NCKAP5: variants seen among roughly 807,000 people sequenced by gnomAD.
NCKAP5 encodes nck-associated protein 5.
A neutral mutation model predicts 167.0 loss-of-function variants in NCKAP5; 92 were observed. The ratio of observed to expected loss-of-function variants is 0.55; its 90% CI spans 0.47 to 0.66. The LOEUF (loss-of-function observed/expected upper bound fraction) is 0.66, where lower values mean the gene tolerates loss of function less well. Ranked by LOEUF, NCKAP5 falls within the 30% of genes least tolerant of loss-of-function variation. The pLI is 0.00. For missense variants in NCKAP5, 2,378 were observed against 2,315.0 expected (o/e 1.03, Z -0.56); for synonymous variants, 891 against 877.4 (o/e 1.02, Z -0.27).
At chr2:133,023,643 T>C (rs1177939082) in intron 6 of NCKAP5, among the ~76,000 whole-genome samples, 1 of 152,186 alleles carries the variant, frequency 6.6e-6, no homozygotes, top group East Asian at 1.9e-4. Flanking sequence ...TATTCCTATC[T>C]TTGTGTCCAT....
At chr2:132,703,817 C>T in intron 19 of NCKAP5, among the ~76,000 whole-genome samples, 1 of 152,172 alleles carries the variant, frequency 6.6e-6, no homozygotes, top group East Asian at 1.9e-4. Context: ...AAGATCCTTT[C>T]TAGTTATTTT....
intron 19 of NCKAP5, among the ~76,000 whole-genome samples, chr2:132,724,964 T>C (rs1252245521): frequency 6.6e-6 from 1 of 152,216 alleles, no homozygotes; most frequent in Non-Finnish European, 1.5e-5. Flanking sequence ...AAAAGTTGAT[T>C]AGTAGGAAAA....
intron 5 of NCKAP5, among the ~76,000 whole-genome samples, chr2:133,136,235 T>C (rs1244279124): frequency 6.6e-6 from 1 of 152,208 alleles, no homozygotes; most frequent in Non-Finnish European, 1.5e-5. Flanking sequence ...AACACTTGAT[T>C]CAAATATGGA....
At chr2:132,858,902 T>G (rs559306698) in intron 11 of NCKAP5, among the ~76,000 whole-genome samples, 6 of 152,170 alleles carry the variant, frequency 3.9e-5, no homozygotes, top group Admixed American at 1.3e-4. Flanking sequence ...ACAGGGACTG[T>G]AGAGTCTTAA....
intron 5 of NCKAP5, among the ~76,000 whole-genome samples, chr2:133,171,359 T>G (rs746691409): frequency 3.9e-5 from 6 of 152,190 alleles, no homozygotes; most frequent in Non-Finnish European, 7.3e-5. Context: ...ATGTTTTTTT[T>G]GTTTGTTGTT....
intron 19 of NCKAP5, among the ~76,000 whole-genome samples, chr2:132,709,799 T>C (rs1688684022): frequency 6.6e-6 from 1 of 152,050 alleles, no homozygotes; most frequent in African/African-American, 2.4e-5. Context: ...ATACAACTTA[T>C]AAAGAACTGA....
chr2:132,678,938 A>G (rs1160374285), intron 19 of NCKAP5, among the ~76,000 whole-genome samples: 1 of 152,094 alleles, frequency 6.6e-6, no homozygotes, highest in Non-Finnish European at 1.5e-5. Flanking sequence ...CCCAGTCTAT[A>G]AAGCTCTGTG....
chr2:133,601,291 G>A, the NCKAP5 span, among the ~76,000 whole-genome samples: 6 of 152,164 alleles, frequency 3.9e-5, no homozygotes, highest in South Asian at 2.1e-4. Flanking sequence ...TTTATGAAAC[G>A]TGTTTATTCA....
intron 19 of NCKAP5, among the ~76,000 whole-genome samples, chr2:132,704,993 C>T (rs1688220316): frequency 6.6e-6 from 1 of 152,164 alleles, no homozygotes; most frequent in African/African-American, 2.4e-5. Context: ...ACTGCAATGC[C>T]TTCTAACTTA....
chr2:132,950,874 C>T (rs556834245), intron 8 of NCKAP5, among the ~76,000 whole-genome samples: 31 of 151,694 alleles, frequency 2.0e-4, no homozygotes, highest in Admixed American at 1.4e-3. Flanking sequence ...GCCCCAGGAA[C>T]CTAAGAAGCA....
In NCKAP5 at chr2:132,852,702, G is replaced by A. The variant is rs955317108; in HGVS notation, c.807+7790C>T. ...AAATATAAATCCCAGTATTAGTCCT[G>A]AATTTAGTTCACAAATTGCTTTTTG... On this transcript the variant is annotated intron_variant, in intron 11 of 19. Transcript: ENST00000409261. 5.9e-5 allele frequency among the ~76,000 whole-genome samples: 9 copies of A among 152,154 alleles called. 1 individual carries two copies. Among genetic ancestry groups the A allele is most frequent in the Admixed American group, 5.9e-4 (9 of 15,276 alleles).
intron 2 of NCKAP5, among the ~76,000 whole-genome samples, chr2:133,525,923 T>C (rs1272401320): frequency 6.6e-6 from 1 of 152,102 alleles, no homozygotes; most frequent in Non-Finnish European, 1.5e-5. Context: ...TGCTCTAGTT[T>C]CCTCACTGAT....
intron 2 of NCKAP5, among the ~76,000 whole-genome samples, chr2:133,540,325 G>A (rs1686121796): frequency 6.6e-6 from 1 of 152,130 alleles, no homozygotes; most frequent in Non-Finnish European, 1.5e-5. Context: ...TAGAGAGCTA[G>A]ACTGCCAGGA....
chr2:133,025,981 C>T (rs184665793), intron 6 of NCKAP5, among the ~76,000 whole-genome samples: 1 of 152,142 alleles, frequency 6.6e-6, no homozygotes, highest in Non-Finnish European at 1.5e-5. Flanking sequence ...CTCCCTCCCC[C>T]TCTCCTCCGA....
In NCKAP5 at chr2:133,366,055, T is replaced by C. The variant is rs776137414; in HGVS notation, c.70-62945A>G. ...ACATTTAAAATGCACATTAAAAGAA[T>C]AGGGGAAAAATTGATGGTTTGTCTT... is the stretch of plus-strand genomic sequence containing the variant. On this transcript the variant is annotated intron_variant, in intron 3 of 19. Transcript: ENST00000409261. 2.6e-5 allele frequency among the ~76,000 whole-genome samples: 4 copies of C among 152,158 alleles called. No individual in the cohort carries two copies. In the East Asian group the frequency reaches 7.7e-4, roughly 29 times the overall value.
At chr2:132,891,728 C>A (rs1200644060) in intron 8 of NCKAP5, among the ~76,000 whole-genome samples, 2 of 152,214 alleles carry the variant, frequency 1.3e-5, no homozygotes, top group Admixed American at 1.3e-4. Context: ...TACAAGAAGT[C>A]AGCTCGATAA....
intron 7 of NCKAP5, among the ~76,000 whole-genome samples, chr2:132,979,055 C>T (rs116685915): frequency 7.9e-5 from 12 of 152,282 alleles, no homozygotes; most frequent in East Asian, 5.8e-4. Flanking sequence ...ATCAGCCCTG[C>T]GGCCTCGCTG....
chr2:133,112,125 G>T (rs115863420), intron 6 of NCKAP5, among the ~76,000 whole-genome samples: 1 of 152,114 alleles, frequency 6.6e-6, no homozygotes, highest in Admixed American at 6.5e-5. Flanking sequence ...CACATCAGAA[G>T]TTCTTACTGG....
intron 10 of NCKAP5, among the ~76,000 whole-genome samples, chr2:132,864,146 G>A (rs1690156175): frequency 6.6e-6 from 1 of 152,078 alleles, no homozygotes; most frequent in African/African-American, 2.4e-5. Context: ...CCATAGTCTG[G>A]GATCATGGCT....
Sources: gnomAD v4.1 joint callset for allele counts (sites outside exome capture counted in the v4.1 genomes callset) on GRCh38, gnomAD v4.1.1 for gene constraint, MANE v1.5 for transcripts, NCBI Gene and HGNC (gene_info 2026-07-23, HGNC 2026-07-21) for gene names.